Variants in ANKS3 observed in about 807,000 individuals in gnomAD.
ANKS3 encodes ankyrin repeat and sterile alpha motif domain containing 3, also known as ankyrin repeat and SAM domain-containing protein 3.
In ANKS3, 62 loss-of-function variants were observed where a neutral mutation model predicts 80.7. The observed-to-expected ratio is 0.77, with a 90% CI of 0.63 to 0.95. The LOEUF (loss-of-function observed/expected upper bound fraction) is 0.95, where lower values mean the gene tolerates loss of function less well. ANKS3 is among the 40% of genes least tolerant of loss of function. The pLI is 0.00. For missense variants in ANKS3, 1,150 were observed against 883.6 expected, an observed-to-expected ratio of 1.30 and a Z score of -3.82; for synonymous variants, 489 against 355.3, an observed-to-expected ratio of 1.38 and a Z score of -4.23.
chr16:4,698,916 T>A lies in ANKS3; in HGVS notation c.1435A>T (p.Thr479Ser), dbSNP rs1409927784. ...ITLFGPKRKMTSAIARWHSSA... is the reference protein window; with the variant it reads ...ITLFGPKRKMSSAIARWHSSA... ...CTGTGCCAGCGGGCAATGGCGGACG[T>A]CATCTTCCTCTTGGGCCCAAACAGC... The change falls in exon 13 of 18, where the codon ACG becomes TCG. Residue 479 changes from threonine to serine, a missense_variant. Thr to Ser is a moderately conservative substitution (Grantham distance 58). Transcript: ENST00000304283. 6 of 1,599,288 alleles carry A rather than the reference T, an allele frequency of 3.8e-6. No homozygotes were observed. Among genetic ancestry groups the A allele is most frequent in the Non-Finnish European group, 4.3e-6 (5 of 1,171,290 alleles).
At chr16:4,715,673 C>G (rs1001549656) in intron 6 of ANKS3, among the ~76,000 whole-genome samples, 3 of 152,168 alleles carry the variant, frequency 2.0e-5, no homozygotes, top group Non-Finnish European at 4.4e-5. Flanking sequence ...AAAAATTACA[C>G]AGAAAACAAT....
chr16:4,705,548 T>C (rs1351759671), intron 7 of ANKS3, among the ~76,000 whole-genome samples: 1 of 152,158 alleles, frequency 6.6e-6, no homozygotes, highest in East Asian at 1.9e-4. Context: ...CACTGCAACC[T>C]CCGCCTCCTG....
chr16:4,701,719 G>A, intron 9 of ANKS3, 176 bp from the exon 10 acceptor site: 1 of 554,348 alleles, frequency 1.8e-6, no homozygotes, highest in Non-Finnish European at 3.1e-6. Flanking sequence ...GACGGGCAGG[G>A]CTTCTGTCTT....
intron 7 of ANKS3, among the ~76,000 whole-genome samples, chr16:4,710,960 T>C (rs2080453892): frequency 1.3e-5 from 2 of 150,900 alleles, no homozygotes; most frequent in African/African-American, 4.9e-5. Flanking sequence ...GGCTTATTTT[T>C]GTATTTTTAG....
intron 5 of ANKS3, among the ~76,000 whole-genome samples, chr16:4,726,269 C>A (rs985689103): frequency 1.3e-5 from 2 of 152,222 alleles, no homozygotes; most frequent in Non-Finnish European, 2.9e-5. Flanking sequence ...AGCCACCACG[C>A]CCGGCCTCAT....
chr16:4,701,610 G>A (rs545774047), intron 9 of ANKS3, 67 bp from the exon 10 acceptor site: 32 of 1,402,448 alleles, frequency 2.3e-5, no homozygotes, highest in African/African-American at 2.9e-5. Context: ...GGCGTGCCCC[G>A]GGCTGAGCCG....
intron 6 of ANKS3, among the ~76,000 whole-genome samples, chr16:4,715,171 G>A (rs2080726700): frequency 6.6e-6 from 1 of 151,924 alleles, no homozygotes; most frequent in African/African-American, 2.4e-5. Flanking sequence ...GCCAAGTGAG[G>A]TGGCTCATGC....
At chr16:4,732,924 A>C (rs2081727016) in intron 1 of ANKS3, among the ~76,000 whole-genome samples, 1 of 152,192 alleles carries the variant, frequency 6.6e-6, no homozygotes, top group Admixed American at 6.5e-5. Context: ...TTGCAAAAAC[A>C]TGGATGGAAG....
intron 3 of ANKS3, 88 bp downstream of exon 3, chr16:4,729,892 A>C: frequency 7.8e-7 from 1 of 1,286,148 alleles, no homozygotes; most frequent in African/African-American, 1.5e-5. Context: ...TTAAACATCC[A>C]CAACTGTGTG....
At chr16:4,724,264 A>G (rs1340711502) in intron 6 of ANKS3, among the ~76,000 whole-genome samples, 1 of 152,196 alleles carries the variant, frequency 6.6e-6, no homozygotes, top group Non-Finnish European at 1.5e-5. Flanking sequence ...GATGTCTATA[A>G]GATGTCTCTA....
chr16:4,726,588 C>T (rs2081364585), intron 5 of ANKS3, 71 bp downstream of exon 5: 1 of 1,554,844 alleles, frequency 6.4e-7, no homozygotes. Context: ...TTAGCTGCCT[C>T]CAGAGCCACC....
chr16:4,714,134 G>A lies in ANKS3; in HGVS notation c.626C>T (p.Ala209Val). 1 of 1,614,166 alleles carries A rather than the reference G, an allele frequency of 6.2e-7. No individual in the cohort carries two copies. Among genetic ancestry groups the A allele is most frequent in the Non-Finnish European group, 8.5e-7 (1 of 1,180,032 alleles). ...DHSGATARML[A>V]KQYGHMKIVA... ...GATCTTCATGTGTCCGTACTGCTTG[G>A]CCAGCATCCGGGCTGTGGCTCCACT... The change falls in exon 7 of 18, where the codon GCC becomes GTC. Residue 209 changes from alanine (A) to valine (V), a missense_variant. Transcript: ENST00000304283.
chr16:4,696,865 T>C lies in ANKS3; in HGVS notation c.*43A>G. 1 of 726,702 alleles carries C rather than the reference T, an allele frequency of 1.4e-6. No homozygotes were observed. Among genetic ancestry groups the C allele is most frequent in the Non-Finnish European group, 2.3e-6 (1 of 429,880 alleles). 45.0% of individuals were successfully genotyped at this position (726,702 alleles called of 1,614,324 possible). Reference sequence around the variant, plus strand: ...TCCTCCTCACTCCCTGGCACACAGCTTCAGGGTGGACCAATCACCCAACGT... The same window carrying C: ...TCCTCCTCACTCCCTGGCACACAGCCTCAGGGTGGACCAATCACCCAACGT... On this transcript the variant is annotated 3_prime_UTR_variant, in exon 18 of 18. Transcript: ENST00000304283.
chr16:4,729,869 T>G (rs761298420), intron 3 of ANKS3, 111 bp downstream of exon 3: 60 of 1,104,032 alleles, frequency 5.4e-5, no homozygotes, highest in Non-Finnish European at 6.5e-5. Flanking sequence ...CAGGTTAACC[T>G]ATTCTACACG....
intron 7 of ANKS3, among the ~76,000 whole-genome samples, chr16:4,705,944 GAGA>G (rs1432645125): frequency 1.5e-5 from 2 of 135,170 alleles, no homozygotes; most frequent in African/African-American, 2.6e-5. Flanking sequence ...TTTTTCTTTT[GAGA>G]AGGAGTTTTG....
intron 6 of ANKS3, among the ~76,000 whole-genome samples, chr16:4,720,161 CAAAAAA>C (rs34135519): frequency 9.0e-4 from 55 of 61,068 alleles, no homozygotes; most frequent in African/African-American, 3.3e-3. Flanking sequence ...GACCCCACCC[CAAAAAA>C]AAAAAAAAAA....
chr16:4,730,170 G>C lies in ANKS3; in HGVS notation c.-2-19C>G, dbSNP rs1441607479. 2.2e-5 allele frequency: 33 copies of C among 1,480,242 alleles called. No homozygotes were observed. Among genetic ancestry groups the C allele is most frequent in the Non-Finnish European group, 2.7e-5 (30 of 1,103,392 alleles). 91.7% of individuals were successfully genotyped at this position (1,480,242 alleles called of 1,614,324 possible). A position where few individuals can be genotyped will look rare whatever the true frequency, so the allele number is the denominator to read the frequency against. On this transcript the variant is annotated intron_variant, in intron 2 of 17. Transcript: ENST00000304283. ...GACATCACTGAGGAGGAAGGCCCAA[G>C]GGTTAGATCTTTCCTGGCTGGTTGT...
chr16:4,727,168 T>G lies in ANKS3; in HGVS notation c.180A>C (p.Leu60Phe), dbSNP rs764241640. Residue 60 changes from leucine (L) to phenylalanine (F), a missense_variant, in exon 4 of 18, where the codon TTA becomes TTC. Physicochemically the swap from Leu to Phe is conservative, Grantham distance 22. Transcript: ENST00000304283. ...VVKECVQRRE[L>F]DLNKKNGGGW... ...CACCACCATTCTTCTTATTCAAATC[T>G]AACTCTCTCCTAAACAAACGCAAGA... The G allele has an allele frequency of 1.9e-6, 3 of 1,614,050 alleles. No individual in the cohort carries two copies. The Admixed American group carries it at 5.0e-5, about 27-fold the overall frequency.
intron 6 of ANKS3, chr16:4,717,569 A>C (rs1386793546): frequency 1.3e-5 from 2 of 152,276 alleles, no homozygotes; most frequent in South Asian, 2.1e-4. Flanking sequence ...GAAAAAAAAA[A>C]AATTCTAGTT....
Sources: gnomAD v4.1 joint callset for allele counts (sites outside exome capture counted in the v4.1 genomes callset) on GRCh38, gnomAD v4.1.1 for gene constraint, MANE v1.5 for transcripts, NCBI Gene and HGNC (gene_info 2026-07-23, HGNC 2026-07-21) for gene names.